GPR83: variants seen among roughly 807,000 people sequenced by gnomAD.
The protein encoded by GPR83 is G-protein coupled receptor 72.
A neutral mutation model predicts 28.0 loss-of-function variants in GPR83; 23 were observed. The ratio of observed to expected loss-of-function variants is 0.82; its 90% CI spans 0.59 to 1.16. GPR83 has a LOEUF of 1.16. Ranked by LOEUF, GPR83 falls within the 50% of genes most tolerant of loss-of-function variation. GPR83 has a pLI of 0.00. For synonymous variants in GPR83, 234 were observed against 215.4 expected (o/e 1.09, Z -0.76); for missense variants, 610 against 536.6 (o/e 1.14, Z -1.35).
chr11:94,389,178 A>G (rs1427078380), intron 3 of GPR83, among the ~76,000 whole-genome samples: 1 of 152,200 alleles, frequency 6.6e-6, no homozygotes, highest in Non-Finnish European at 1.5e-5. Context: ...TTAATTCAAG[A>G]TGGATTAAAG....
At chr11:94,385,172 G>A (rs1382357273) in intron 3 of GPR83, among the ~76,000 whole-genome samples, 1 of 152,092 alleles carries the variant, frequency 6.6e-6, no homozygotes, top group Non-Finnish European at 1.5e-5. Context: ...AAACAGAAAG[G>A]ACATCCACAC....
chr11:94,385,255 G>C (rs1339296615), intron 3 of GPR83, among the ~76,000 whole-genome samples: 2 of 152,150 alleles, frequency 1.3e-5, no homozygotes, highest in African/African-American at 2.4e-5. Context: ...GGAAAAAACA[G>C]AGGAGAAAAA....
In GPR83 at chr11:94,401,096, T is replaced by A; in HGVS notation, c.152A>T (p.Asp51Val). The A allele has an allele frequency of 6.2e-7, 1 of 1,614,184 alleles. No individual in the cohort carries two copies. The highest frequency in any genetic ancestry group is 8.5e-7 in the Non-Finnish European group (1 of 1,180,026). Reference protein sequence around the residue: ...FFSWNNYTFSDWQNFVGRRRY... With the variant: ...FFSWNNYTFSVWQNFVGRRRY... Reference sequence around the variant, plus strand: ...CCTCCTGCCCACAAAGTTCTGCCAGTCGGAGAAGGTGTAGTTGTTCCAAGA... The same window carrying A: ...CCTCCTGCCCACAAAGTTCTGCCAGACGGAGAAGGTGTAGTTGTTCCAAGA... Residue 51 changes from aspartate (D) to valine (V), a missense_variant, in exon 1 of 4, where the codon GAC becomes GTC. Coordinates refer to ENST00000243673, the MANE Select transcript of GPR83 (RefSeq NM_016540.4).
intron 1 of GPR83, among the ~76,000 whole-genome samples, chr11:94,396,935 A>T (rs529780540): frequency 5.7e-4 from 86 of 152,206 alleles, no homozygotes; most frequent in African/African-American, 1.9e-3. Context: ...AAATTTTTTA[A>T]ATGTCTGTAA....
chr11:94,398,042 C>T (rs980203351), intron 1 of GPR83, among the ~76,000 whole-genome samples: 3 of 152,184 alleles, frequency 2.0e-5, no homozygotes, highest in Admixed American at 2.0e-4. Flanking sequence ...CAAATCCAAC[C>T]AGTTCTGCCT....
chr11:94,386,055 A>C (rs1471691688), intron 3 of GPR83, among the ~76,000 whole-genome samples: 1 of 152,234 alleles, frequency 6.6e-6, no homozygotes, highest in Non-Finnish European at 1.5e-5. Context: ...AACACTCTTA[A>C]AGAAAAGAAT....
At position 94,401,028 on chromosome 11, in the gene GPR83, G is replaced by A. The variant is rs1387457002; in HGVS notation, c.220C>T (p.Leu74Phe). 6.2e-7 allele frequency: 1 copy of A among 1,614,060 alleles called. No homozygotes were observed. Among genetic ancestry groups the A allele is most frequent in the East Asian group, 2.2e-5 (1 of 44,880 alleles). ...ESQNPTVKAL[L>F]IVAYSFIIVF... ...ATGATGAAGGAGTAAGCCACAATGA[G>A]CAGGGCTTTCACCGTGGGGTTCTGG... The change falls in exon 1 of 4, where the codon CTC (leucine) becomes TTC (phenylalanine). Residue 74 changes from leucine to phenylalanine, a missense_variant. Physicochemically the swap from Leu to Phe is conservative, Grantham distance 22. Coordinates refer to ENST00000243673, the MANE Select transcript of GPR83 (RefSeq NM_016540.4).
rs945514949 is a variant in GPR83 at position 94,378,417 on chromosome 11, A to G, written c.*1732T>C. ...AAAACCTAAAAGCAGTGTGTCAGTAACAATTGTTTAGAGCAGGTGAATTAA... is the reference window on the plus strand; with the variant it reads ...AAAACCTAAAAGCAGTGTGTCAGTAGCAATTGTTTAGAGCAGGTGAATTAA... On this transcript the variant is annotated 3_prime_UTR_variant, in exon 4 of 4. Transcript: ENST00000243673. 1.3e-5 allele frequency: 2 copies of G among 152,184 alleles called. No individual in the cohort carries two copies. Among genetic ancestry groups the G allele is most frequent in the East Asian group, 1.9e-4 (1 of 5,188 alleles). The allele number at this position is 152,184 out of a possible 1,614,324, so 9.4% of individuals were successfully genotyped here.
intron 2 of GPR83, among the ~76,000 whole-genome samples, chr11:94,395,102 A>G (rs772195809): frequency 6.6e-5 from 10 of 152,216 alleles, no homozygotes; most frequent in Non-Finnish European, 1.3e-4. Flanking sequence ...GGCATTTCAG[A>G]GATAAAGAGA....
chr11:94,393,164 CA>C (rs1445167768), intron 3 of GPR83, among the ~76,000 whole-genome samples: 1 of 152,196 alleles, frequency 6.6e-6, no homozygotes, highest in African/African-American at 2.4e-5. Context: ...TCCTTTTCAA[CA>C]AGGCCTTGGT....
At chr11:94,384,867 G>A (rs567614077) in intron 3 of GPR83, among the ~76,000 whole-genome samples, 9 of 152,312 alleles carry the variant, frequency 5.9e-5, no homozygotes, top group East Asian at 3.9e-4. Context: ...CTCCCAGCAT[G>A]CAGCTTGAGA....
rs563151199 is a variant in GPR83, at chr11:94,377,509, G to A, written c.*2640C>T. The A allele has an allele frequency of 1.8e-4, 28 of 152,244 alleles. No homozygotes were observed. The highest frequency in any genetic ancestry group is 4.1e-4 in the African/African-American group (17 of 41,544). The allele number at this position is 152,244 out of a possible 1,614,324, so 9.4% of individuals were successfully genotyped here. A position where few individuals can be genotyped will look rare whatever the true frequency, so the allele number is the denominator to read the frequency against. On this transcript the variant is annotated 3_prime_UTR_variant, in exon 4 of 4. Transcript: ENST00000243673. The stretch of plus-strand genomic sequence containing the variant: ...AGTGGGTTCTCCCCAGAGTAAAAGG[G>A]TTTTCTCTGGGACTTGGCAGTACTG...
chr11:94,380,270 G>A lies in GPR83; in HGVS notation c.1151C>T (p.Ala384Val). The A allele has an allele frequency of 1.9e-6, 3 of 1,574,488 alleles. No homozygotes were observed. The highest frequency in any genetic ancestry group is 1.7e-6 in the Non-Finnish European group (2 of 1,159,856). ...CTGGCCATCATTCTTCTCTGTCCAG[G>A]CCACCCTGAAGGAAGGAACTGGGGA... ...PPSPVPSFRV[A>V]WTEKNDGQRA... is the part of the protein sequence containing the mutation. Residue 384 changes from alanine to valine, a missense_variant, in exon 4 of 4, where the codon GCC becomes GTC. Coordinates refer to ENST00000243673, the MANE Select transcript of GPR83 (RefSeq NM_016540.4).
intron 3 of GPR83, among the ~76,000 whole-genome samples, chr11:94,384,075 G>T (rs543483307): frequency 6.6e-6 from 1 of 152,096 alleles, no homozygotes; most frequent in East Asian, 1.9e-4. Context: ...ACATGAATGC[G>T]AAAATCCTCA....
chr11:94,394,497 G>T (rs79624105), intron 2 of GPR83, among the ~76,000 whole-genome samples: 1 of 152,202 alleles, frequency 6.6e-6, no homozygotes, highest in Non-Finnish European at 1.5e-5. Context: ...ATTTTCAGAT[G>T]AGAAACATTA....
At chr11:94,397,894 C>T (rs1944880689) in intron 1 of GPR83, among the ~76,000 whole-genome samples, 1 of 152,220 alleles carries the variant, frequency 6.6e-6, no homozygotes, top group Admixed American at 6.5e-5. Context: ...GATCTTGAAA[C>T]TAGGACAACA....
At chr11:94,385,029 T>A (rs1944736759) in intron 3 of GPR83, among the ~76,000 whole-genome samples, 1 of 152,182 alleles carries the variant, frequency 6.6e-6, no homozygotes, top group Non-Finnish European at 1.5e-5. Context: ...GCAGCAACAT[T>A]TGCTGTTCAC....
At chr11:94,400,481 C>A (rs1944901012) in intron 1 of GPR83, among the ~76,000 whole-genome samples, 1 of 139,162 alleles carries the variant, frequency 7.2e-6, no homozygotes, top group African/African-American at 2.8e-5. Context: ...CACAGAGAGA[C>A]TGACAAGAAG....
Position 94,377,641 on chromosome 11 carries a change from C to T in GPR83, c.*2508G>A, listed in dbSNP as rs1291250072. 1 of 152,290 alleles carries T rather than the reference C, an allele frequency of 6.6e-6. No homozygotes were observed. The highest frequency in any genetic ancestry group is 1.9e-4 in the East Asian group (1 of 5,182). The allele number at this position is 152,290 out of a possible 1,614,324, so 9.4% of individuals were successfully genotyped here. A position where few individuals can be genotyped will look rare whatever the true frequency, so the allele number is the denominator to read the frequency against. On this transcript the variant is annotated 3_prime_UTR_variant, in exon 4 of 4. Coordinates refer to ENST00000243673, the MANE Select transcript of GPR83 (RefSeq NM_016540.4). ...ACCATACTTCGCATATCCATACAAC[C>T]ATTCTGGTTTTCACCTTCAGTACAG...
Sources: allele counts gnomAD v4.1 joint callset (sites outside exome capture counted in the v4.1 genomes callset), GRCh38; gene constraint gnomAD v4.1.1; transcripts MANE v1.5; gene names NCBI Gene and HGNC (gene_info 2026-07-23, HGNC 2026-07-21).